Variants in GALNT13 observed in about 807,000 individuals in gnomAD.
GALNT13 encodes polypeptide N-acetylgalactosaminyltransferase 13.
GALNT13 carries 28 observed loss-of-function variants against 64.2 expected under a neutral mutation model. That is an observed-to-expected ratio of 0.44 (90% CI 0.32 to 0.60). The LOEUF (loss-of-function observed/expected upper bound fraction) is 0.60. Among genes scored for constraint, GALNT13 ranks in the 20% least tolerant of loss-of-function variants. GALNT13 has a pLI of 0.05. For missense variants in GALNT13, 577 were observed against 669.8 expected (o/e 0.86, Z 1.53); for synonymous variants, 214 against 224.6 (o/e 0.95, Z 0.42).
At chr2:153,622,835 A>C in the GALNT13 span, among the ~76,000 whole-genome samples, 1 of 152,110 alleles carries the variant, frequency 6.6e-6, no homozygotes, top group Non-Finnish European at 1.5e-5. Context: ...TATTATGATT[A>C]CATTAAATGG....
the GALNT13 span, among the ~76,000 whole-genome samples, chr2:153,579,705 G>C: frequency 6.6e-6 from 1 of 152,234 alleles, no homozygotes; most frequent in Middle Eastern, 3.4e-3. Flanking sequence ...GGGATGAGGA[G>C]GCACAAGGTG....
intron 4 of GALNT13, among the ~76,000 whole-genome samples, chr2:154,170,742 T>TA (rs1260829912): frequency 6.6e-6 from 1 of 152,204 alleles, no homozygotes; most frequent in African/African-American, 2.4e-5. Context: ...GAATAGCACC[T>TA]AAGTATTATT....
At chr2:153,884,795 ATATATATATATGTGTGTGTGTGTG>A (rs1687032119) in intron 1 of GALNT13, among the ~76,000 whole-genome samples, 3 of 46,568 alleles carry the variant, frequency 6.4e-5, no homozygotes, top group Admixed American at 5.7e-4. Context: ...ATGTGTGTGT[ATATATATATATGTGTGTGTGTGTG>A]TATATATATG....
the GALNT13 span, among the ~76,000 whole-genome samples, chr2:153,597,217 G>A: frequency 6.6e-6 from 1 of 151,986 alleles, no homozygotes; most frequent in Non-Finnish European, 1.5e-5. Flanking sequence ...AAATTATTTT[G>A]TATTTCAGTA....
chr2:154,320,561 G>T (rs887124962), intron 9 of GALNT13, among the ~76,000 whole-genome samples: 1 of 152,118 alleles, frequency 6.6e-6, no homozygotes, highest in African/African-American at 2.4e-5. Flanking sequence ...AGTAGTAAAG[G>T]GTGGTGGCTG....
At chr2:153,316,639 C>CAAAAAAAAAAAAA in the GALNT13 span, among the ~76,000 whole-genome samples, 724 of 69,592 alleles carry the variant, frequency 0.01, 45 homozygotes, top group East Asian at 0.029. Context: ...GACTCCGTCT[C>CAAAAAAAAAAAAA]AAAAAAAAAA....
At chr2:154,290,388 TTAA>T (rs1692534572) in intron 8 of GALNT13, among the ~76,000 whole-genome samples, 1 of 152,244 alleles carries the variant, frequency 6.6e-6, no homozygotes, top group South Asian at 2.1e-4. Flanking sequence ...CACTCTCCTG[TTAA>T]GGCAAGCCGA....
the GALNT13 span, among the ~76,000 whole-genome samples, chr2:153,283,480 C>T: frequency 3.9e-5 from 6 of 152,070 alleles, no homozygotes; most frequent in Non-Finnish European, 5.9e-5. Flanking sequence ...GTTGAAGAGC[C>T]CCTCCACTCC....
chr2:154,096,049 AC>A (rs1374193188), intron 3 of GALNT13, among the ~76,000 whole-genome samples: 1 of 152,054 alleles, frequency 6.6e-6, no homozygotes. Flanking sequence ...TATAATGCCA[AC>A]ATATATGTAT....
chr2:154,271,281 G>A (rs1237855955), intron 8 of GALNT13, among the ~76,000 whole-genome samples: 1 of 151,958 alleles, frequency 6.6e-6, no homozygotes, highest in Non-Finnish European at 1.5e-5. Flanking sequence ...GCAACGCATA[G>A]AATAATTGGC....
At chr2:153,521,377 TA>T in the GALNT13 span, among the ~76,000 whole-genome samples, 2 of 152,228 alleles carry the variant, frequency 1.3e-5, no homozygotes, top group Non-Finnish European at 2.9e-5. Flanking sequence ...ATCAAATTTT[TA>T]AAAGACTATT....
intron 3 of GALNT13, among the ~76,000 whole-genome samples, chr2:154,107,872 T>G (rs1702708819): frequency 1.3e-5 from 2 of 152,134 alleles, no homozygotes. Context: ...TGTATATCTA[T>G]GCCTGGCTTA....
the GALNT13 span, among the ~76,000 whole-genome samples, chr2:153,381,872 G>C: frequency 6.6e-6 from 1 of 152,084 alleles, no homozygotes; most frequent in Admixed American, 6.5e-5. Context: ...TCATCAGTGA[G>C]GCTGTCTTCC....
chr2:153,803,646 A>C, the GALNT13 span, among the ~76,000 whole-genome samples: 28 of 147,154 alleles, frequency 1.9e-4, no homozygotes, highest in African/African-American at 4.3e-4. Context: ...GAGCGGAGAT[A>C]GCGCCACTGC....
At chr2:154,371,591 A>T (rs1367285838) in intron 9 of GALNT13, among the ~76,000 whole-genome samples, 1 of 152,074 alleles carries the variant, frequency 6.6e-6, no homozygotes. Flanking sequence ...GCAAAAGGAA[A>T]TTTCTTGAGG....
the GALNT13 span, among the ~76,000 whole-genome samples, chr2:153,382,362 G>A: frequency 9.2e-5 from 14 of 152,054 alleles, no homozygotes; most frequent in African/African-American, 3.4e-4. Flanking sequence ...AGGATTTATT[G>A]TTGCCATCTT....
the GALNT13 span, among the ~76,000 whole-genome samples, chr2:153,540,417 C>A: frequency 2.0e-5 from 3 of 152,192 alleles, no homozygotes; most frequent in Non-Finnish European, 4.4e-5. Context: ...TCATGGAGAA[C>A]CTCTACTAGG....
At chr2:154,145,669 A>G (rs1033108549) in intron 4 of GALNT13, among the ~76,000 whole-genome samples, 3 of 152,022 alleles carry the variant, frequency 2.0e-5, no homozygotes, top group Non-Finnish European at 4.4e-5. Flanking sequence ...TAAAGAGGAA[A>G]AGACTCTAGC....
chr2:153,642,312 G>A, the GALNT13 span, among the ~76,000 whole-genome samples: 6 of 151,794 alleles, frequency 4.0e-5, no homozygotes, highest in Admixed American at 6.6e-5. Context: ...GCACATATGC[G>A]TGAGTTACTT....
Sources: gnomAD v4.1 joint callset for allele counts (sites outside exome capture counted in the v4.1 genomes callset) on GRCh38, gnomAD v4.1.1 for gene constraint, MANE v1.5 for transcripts, NCBI Gene and HGNC (gene_info 2026-07-23, HGNC 2026-07-21) for gene names.